Variants in ADCY9 observed in about 807,000 individuals in gnomAD.
The protein encoded by ADCY9 is adenylate cyclase 9.
A neutral mutation model predicts 101.5 loss-of-function variants in ADCY9; 50 were observed. The ratio of observed to expected loss-of-function variants is 0.49; its 90% CI spans 0.39 to 0.62. The LOEUF (loss-of-function observed/expected upper bound fraction) is 0.62, where lower values mean the gene tolerates loss of function less well. ADCY9 is among the 20% of genes least tolerant of loss of function. ADCY9 has a pLI of 0.00. For missense variants in ADCY9, 1,662 were observed against 1,800.4 expected (o/e 0.92, Z 1.39); for synonymous variants, 905 against 769.3 (o/e 1.18, Z -2.92).
In ADCY9 at chr16:3,966,572, T is replaced by C. The variant is rs762878876; in HGVS notation, c.3265A>G (p.Ile1089Val). The change falls in exon 11 of 11, where the codon ATC (isoleucine) becomes GTC (valine). Residue 1089 changes from isoleucine to valine, a missense_variant. By Grantham distance (29) the Ile-to-Val change is conservative. Coordinates refer to ENST00000294016, the MANE Select transcript of ADCY9 (RefSeq NM_001116.4). ...KECYRVLNEL[I>V]GDFDELLSKP... ...CTTAGGAGCTCGTCAAAGTCCCCGA[T>C]GAGCTCGTTGAGGACCCGGTAGCAC... The C allele has an allele frequency of 1.2e-6, 2 of 1,614,138 alleles. No homozygotes were observed. The highest frequency in any genetic ancestry group is 2.2e-5 in the South Asian group (2 of 91,088).
intron 2 of ADCY9, among the ~76,000 whole-genome samples, chr16:4,091,737 A>C (rs2056974922): frequency 6.6e-6 from 1 of 152,202 alleles, no homozygotes; most frequent in Admixed American, 6.5e-5. Flanking sequence ...TTCCAAGTAT[A>C]AGAAACGCCC....
intron 2 of ADCY9, 83 bp from the exon 3 acceptor site, chr16:4,007,641 A>T (rs2056376019): frequency 8.4e-7 from 1 of 1,196,574 alleles, no homozygotes; most frequent in East Asian, 2.4e-5. Context: ...TCTGGAGAGG[A>T]CTCACTCCTG....
At chr16:4,047,038 T>G (rs967484027) in intron 2 of ADCY9, among the ~76,000 whole-genome samples, 1 of 151,968 alleles carries the variant, frequency 6.6e-6, no homozygotes, top group African/African-American at 2.4e-5. Context: ...TACGAAAACA[T>G]ATTCCACAAA....
chr16:4,115,923 C>T lies in ADCY9; in HGVS notation c.-277G>A. ...CCGCTGGCGGCGCGGAGCCCTCCAT[C>T]CTGCAGGAGCCGCGCTCCGATGCGT... On this transcript the variant is annotated 5_prime_UTR_variant, in exon 1 of 11. Coordinates refer to ENST00000294016, the MANE Select transcript of ADCY9 (RefSeq NM_001116.4). The surrounding 1 kb of genome is among the most constrained non-coding windows in gnomAD (Gnocchi z 6.2). The T allele has an allele frequency of 2.6e-6, 1 of 388,890 alleles. No individual in the cohort carries two copies. The highest frequency in any genetic ancestry group is 4.5e-6 in the Non-Finnish European group (1 of 219,908). The allele number at this position is 388,890 out of a possible 1,614,324, so 24.1% of individuals were successfully genotyped here. A position where few individuals can be genotyped will look rare whatever the true frequency, so the allele number is the denominator to read the frequency against.
intron 2 of ADCY9, among the ~76,000 whole-genome samples, chr16:4,040,605 C>T (rs545556476): frequency 9.0e-4 from 137 of 152,180 alleles, no homozygotes; most frequent in Non-Finnish European, 1.5e-3. Flanking sequence ...TACAGGCAGC[C>T]GCCACCACAC....
At chr16:3,984,000 G>T (rs12149798) in intron 6 of ADCY9, 19,047 of 152,972 alleles carry the variant, frequency 0.12, 1,325 homozygotes, top group South Asian at 0.36. Flanking sequence ...GAGGTGGGAG[G>T]ATTGCTTGAG....
At chr16:3,976,565 T>C (rs1034294279) in intron 9 of ADCY9, among the ~76,000 whole-genome samples, 1 of 152,226 alleles carries the variant, frequency 6.6e-6, no homozygotes, top group African/African-American at 2.4e-5. Context: ...CTCCTCAGTA[T>C]GCAGAGGATT....
At chr16:4,108,202 G>A (rs1474052817) in intron 2 of ADCY9, among the ~76,000 whole-genome samples, 1 of 151,984 alleles carries the variant, frequency 6.6e-6, no homozygotes, top group East Asian at 1.9e-4. Context: ...TTGTGACCCT[G>A]TATCTATGAC....
chr16:3,957,309 G>T (rs1190688722), intron 5 of ADCY9, among the ~76,000 whole-genome samples: 1 of 152,158 alleles, frequency 6.6e-6, no homozygotes, highest in Non-Finnish European at 1.5e-5. Context: ...AGGCTCCAGG[G>T]GTTTTCAGCT....
chr16:3,983,477 G>A (rs1323218789), intron 6 of ADCY9, 37 bp from the exon 7 acceptor site: 4 of 1,541,138 alleles, frequency 2.6e-6, no homozygotes, highest in Admixed American at 3.8e-5. Flanking sequence ...TGACTGGGAG[G>A]CCATGGGCGG....
At chr16:4,087,630 T>A (rs1744844953) in intron 2 of ADCY9, among the ~76,000 whole-genome samples, 1 of 151,450 alleles carries the variant, frequency 6.6e-6, no homozygotes, top group African/African-American at 2.4e-5. Context: ...GCACTGAGTC[T>A]GTGGGCATAA....
chr16:4,090,861 C>G (rs975110969), intron 2 of ADCY9, among the ~76,000 whole-genome samples: 2 of 151,938 alleles, frequency 1.3e-5, no homozygotes, highest in African/African-American at 4.8e-5. Context: ...AAAAGAGTCT[C>G]TAGGCTCTTA....
chr16:3,974,582 C>A, intron 10 of ADCY9, 87 bp downstream of exon 10: 1 of 1,070,528 alleles, frequency 9.3e-7, no homozygotes, highest in South Asian at 1.4e-5. Context: ...TATTCAAGAT[C>A]CCATTGTTTT....
At chr16:4,065,797 G>C (rs1373943645) in intron 2 of ADCY9, among the ~76,000 whole-genome samples, 1 of 152,188 alleles carries the variant, frequency 6.6e-6, no homozygotes, top group African/African-American at 2.4e-5. Context: ...TCGAACTCCT[G>C]ACCTCAGGTG....
chr16:4,018,951 T>TTTGTGTGTGTGTGTGTGTGTG (rs1555509531), intron 2 of ADCY9, among the ~76,000 whole-genome samples: 5 of 138,834 alleles, frequency 3.6e-5, no homozygotes, highest in South Asian at 2.5e-4. Flanking sequence ...AGAATCGCAG[T>TTTGTGTGTGTGTGTGTGTGTG]TGTGTGTGTG....
chr16:4,012,018 T>C (rs184128707), intron 2 of ADCY9, among the ~76,000 whole-genome samples: 1 of 152,362 alleles, frequency 6.6e-6, no homozygotes, highest in Admixed American at 6.5e-5. Context: ...ATCTTTTTCA[T>C]GCACCTTCTA....
chr16:3,953,516 T>C (rs1029333832), exon 6 of ADCY9: 2 of 152,108 alleles, frequency 1.3e-5, no homozygotes, highest in African/African-American at 4.8e-5. Context: ...GTTCTCGTCT[T>C]CTGGAAAAGA....
At chr16:4,016,039 A>G (rs536633984) in intron 2 of ADCY9, among the ~76,000 whole-genome samples, 2 of 152,236 alleles carry the variant, frequency 1.3e-5, no homozygotes, top group East Asian at 3.9e-4. Flanking sequence ...GGCTGTTGTG[A>G]GGATTAAATG....
chr16:4,026,356 G>A (rs911894736), intron 2 of ADCY9, among the ~76,000 whole-genome samples: 6 of 149,300 alleles, frequency 4.0e-5, no homozygotes, highest in Admixed American at 2.0e-4. Flanking sequence ...CCCGGGAGGC[G>A]GACATTGCAG....
Sources: allele counts gnomAD v4.1 joint callset (sites outside exome capture counted in the v4.1 genomes callset), GRCh38; gene constraint gnomAD v4.1.1; non-coding constraint Gnocchi (gnomAD v3.1); transcripts MANE v1.5; gene names NCBI Gene and HGNC (gene_info 2026-07-23, HGNC 2026-07-21).